The following OXCT1 variants were observed in gnomAD, a reference collection of about 807,000 sequenced individuals.
OXCT1 encodes the protein 3-oxoacid CoA-transferase 1.
In OXCT1, 27 loss-of-function variants were observed where a neutral mutation model predicts 69.6. The ratio of observed to expected loss-of-function variants is 0.39; its 90% CI spans 0.29 to 0.54. The LOEUF (loss-of-function observed/expected upper bound fraction) is 0.54, where lower values mean the gene tolerates loss of function less well. Ranked by LOEUF, OXCT1 falls within the 20% of genes least tolerant of loss-of-function variation. The pLI, the probability that OXCT1 is intolerant of heterozygous loss-of-function variation, is 0.72. For synonymous variants in OXCT1, 202 were observed against 217.8 expected (o/e 0.93, Z 0.64); for missense variants, 437 against 650.2 (o/e 0.67, Z 3.57).
chr5:41,778,229 T>C (rs1010154052), intron 13 of OXCT1, among the ~76,000 whole-genome samples: 5 of 152,234 alleles, frequency 3.3e-5, no homozygotes, highest in Non-Finnish European at 7.3e-5. Context: ...AATATCTTAT[T>C]ATCTAAAAAT....
intron 11 of OXCT1, among the ~76,000 whole-genome samples, chr5:41,799,311 A>G (rs1746323422): frequency 6.6e-6 from 1 of 152,210 alleles, no homozygotes; most frequent in African/African-American, 2.4e-5. Context: ...CTAATTTAAA[A>G]TCAAAAGTGT....
chr5:41,861,902 A>G (rs2112472982), intron 2 of OXCT1, among the ~76,000 whole-genome samples: 1 of 152,296 alleles, frequency 6.6e-6, no homozygotes, highest in South Asian at 2.1e-4. Context: ...ATAATCCTTG[A>G]CATTATTTAT....
chr5:41,793,853 GCTTA>G (rs2112228023), intron 13 of OXCT1, 146 bp downstream of exon 13: 1 of 642,542 alleles, frequency 1.6e-6, no homozygotes, highest in Non-Finnish European at 2.8e-6. Context: ...ACTTCTCAGT[GCTTA>G]CTTAATTAAA....
At chr5:41,807,200 G>A in intron 8 of OXCT1, 131 bp downstream of exon 8, 2 of 690,828 alleles carry the variant, frequency 2.9e-6, no homozygotes. Flanking sequence ...AGACACATGA[G>A]AAGCTCTTAC....
chr5:41,828,724 T>C (rs945122236), intron 7 of OXCT1, among the ~76,000 whole-genome samples: 14 of 152,218 alleles, frequency 9.2e-5, no homozygotes, highest in Admixed American at 9.2e-4. Flanking sequence ...ATTCATTGTC[T>C]TCAAATCAGT....
intron 7 of OXCT1, among the ~76,000 whole-genome samples, chr5:41,811,084 A>C (rs1226793970): frequency 8.1e-4 from 123 of 151,378 alleles, no homozygotes; most frequent in Admixed American, 1.5e-3. Context: ...AGAGAGGGAA[A>C]AAAAAAAAAA....
At chr5:41,830,165 A>G (rs1748026832) in intron 7 of OXCT1, among the ~76,000 whole-genome samples, 1 of 152,198 alleles carries the variant, frequency 6.6e-6, no homozygotes, top group African/African-American at 2.4e-5. Flanking sequence ...TGAAGATTTT[A>G]TATAATTTAC....
chr5:41,795,985 T>G (rs983453282), intron 11 of OXCT1, among the ~76,000 whole-genome samples: 4 of 152,190 alleles, frequency 2.6e-5, no homozygotes, highest in Admixed American at 2.6e-4. Context: ...TCTCCCCTTT[T>G]CTTTCTTTTT....
At chr5:41,795,622 GATAAGA>G (rs1191337373) in intron 11 of OXCT1, among the ~76,000 whole-genome samples, 2 of 152,082 alleles carry the variant, frequency 1.3e-5, no homozygotes, top group Non-Finnish European at 2.9e-5. Context: ...TAACTTCAGT[GATAAGA>G]ATAACTTCTG....
intron 15 of OXCT1, among the ~76,000 whole-genome samples, chr5:41,742,751 A>C (rs1743239337): frequency 6.6e-6 from 1 of 151,854 alleles, no homozygotes; most frequent in South Asian, 2.1e-4. Flanking sequence ...TCCTTGTGAC[A>C]GTTTGATCAG....
At chr5:41,785,753 A>T (rs1745610977) in intron 13 of OXCT1, among the ~76,000 whole-genome samples, 1 of 152,224 alleles carries the variant, frequency 6.6e-6, no homozygotes, top group Non-Finnish European at 1.5e-5. Flanking sequence ...GACCCTCAGC[A>T]GGCTGAAGGA....
chr5:41,794,755 C>T lies in OXCT1; in HGVS notation c.1100-6G>A. 4 of 1,476,498 alleles carry T rather than the reference C, an allele frequency of 2.7e-6. No homozygotes were observed. The highest frequency in any genetic ancestry group is 3.7e-6 in the Non-Finnish European group (4 of 1,074,550). 91.5% of individuals were successfully genotyped at this position (1,476,498 alleles called of 1,614,324 possible). Reference sequence around the variant, plus strand: ...AATAGTAACTGTTTCCTTGCCTAAACACACACACACACAAAAGAAAGAAAA... The same window carrying T: ...AATAGTAACTGTTTCCTTGCCTAAATACACACACACACAAAAGAAAGAAAA... On this transcript the variant is annotated splice_region_variant and splice_polypyrimidine_tract_variant and intron_variant, in intron 11 of 16. Coordinates refer to ENST00000196371, the MANE Select transcript of OXCT1 (RefSeq NM_000436.4).
At chr5:41,855,856 T>C (rs1398909876) in intron 3 of OXCT1, among the ~76,000 whole-genome samples, 1 of 151,992 alleles carries the variant, frequency 6.6e-6, no homozygotes, top group East Asian at 1.9e-4. Flanking sequence ...GCAGAAAAAA[T>C]CTTACAGGAG....
intron 3 of OXCT1, among the ~76,000 whole-genome samples, chr5:41,856,896 T>C (rs1020422977): frequency 3.9e-5 from 6 of 152,200 alleles, no homozygotes; most frequent in Admixed American, 1.3e-4. Context: ...TTACTCTCAA[T>C]GCACACAATG....
At position 41,853,946 on chromosome 5, in the gene OXCT1, C is replaced by T. The variant is rs577684746; in HGVS notation, c.279-392G>A. Reference sequence around the variant, plus strand: ...GCAAAGAGATGAATTGGTTCTTGTCCTATGCTTTGAAGGAACACATAAATG... The same window carrying T: ...GCAAAGAGATGAATTGGTTCTTGTCTTATGCTTTGAAGGAACACATAAATG... On this transcript the variant is annotated intron_variant, in intron 3 of 16. Transcript: ENST00000196371. Among the ~76,000 whole-genome samples, 11 of 152,236 alleles carry T rather than the reference C, an allele frequency of 7.2e-5. No individual in the cohort carries two copies. In the South Asian group the frequency reaches 2.3e-3, roughly 32 times the overall value.
intron 16 of OXCT1, among the ~76,000 whole-genome samples, chr5:41,732,680 C>T (rs1742691496): frequency 6.6e-6 from 1 of 152,052 alleles, no homozygotes; most frequent in African/African-American, 2.4e-5. Flanking sequence ...ATTTTACCTT[C>T]CAGAATAAAC....
At chr5:41,858,168 A>T (rs1471433974) in intron 3 of OXCT1, among the ~76,000 whole-genome samples, 1 of 152,204 alleles carries the variant, frequency 6.6e-6, no homozygotes, top group Non-Finnish European at 1.5e-5. Context: ...CGCTAGCCCC[A>T]GGTGCACTAC....
chr5:41,834,540 C>T (rs1748263856), intron 7 of OXCT1, among the ~76,000 whole-genome samples: 1 of 142,778 alleles, frequency 7.0e-6, no homozygotes, highest in African/African-American at 2.6e-5. Flanking sequence ...TTACATCAGA[C>T]AAAATAGATT....
At chr5:41,788,390 G>A (rs1034658309) in intron 13 of OXCT1, among the ~76,000 whole-genome samples, 12 of 152,002 alleles carry the variant, frequency 7.9e-5, no homozygotes, top group Non-Finnish European at 1.5e-4. Context: ...AATTGTAAAT[G>A]GTCTAAACCT....
Sources: allele counts gnomAD v4.1 joint callset (sites outside exome capture counted in the v4.1 genomes callset), GRCh38; gene constraint gnomAD v4.1.1; transcripts MANE v1.5; gene names NCBI Gene and HGNC (gene_info 2026-07-23, HGNC 2026-07-21).